Variants in LAMA2 observed in about 807,000 individuals in gnomAD.
LAMA2 encodes the protein laminin subunit alpha 2, also known as laminin subunit alpha-2.
LAMA2 carries 269 observed loss-of-function variants against 364.8 expected under a neutral mutation model. The ratio of observed to expected loss-of-function variants is 0.74; its 90% confidence interval spans 0.67 to 0.82. The LOEUF (loss-of-function observed/expected upper bound fraction) is 0.82. LAMA2 is among the 40% of genes least tolerant of loss of function. The pLI, the probability that LAMA2 is intolerant of heterozygous loss-of-function variation, is 0.00. For synonymous variants in LAMA2, 1,379 were observed against 1,370.6 expected (o/e 1.01, Z -0.14); for missense variants, 3,807 against 3,873.2 (o/e 0.98, Z 0.45).
At chr6:128,901,911 T>G (rs1777107761) in intron 1 of LAMA2, among the ~76,000 whole-genome samples, 1 of 152,220 alleles carries the variant, frequency 6.6e-6, no homozygotes, top group Non-Finnish European at 1.5e-5. Context: ...TAGTCTGTTC[T>G]CACACTGCTG....
At chr6:129,200,138 G>GTA (rs1782117807) in intron 12 of LAMA2, among the ~76,000 whole-genome samples, 1 of 95,114 alleles carries the variant, frequency 1.1e-5, no homozygotes, top group African/African-American at 3.8e-5. Context: ...ATATATACGT[G>GTA]TACACATATA....
intron 12 of LAMA2, among the ~76,000 whole-genome samples, chr6:129,200,429 T>C (rs1782196845): frequency 6.7e-6 from 1 of 149,806 alleles, no homozygotes; most frequent in Non-Finnish European, 1.5e-5. Flanking sequence ...CGTGTATATG[T>C]GTACACATAT....
chr6:129,383,842 G>GC (rs1422225459), intron 35 of LAMA2, among the ~76,000 whole-genome samples: 1 of 151,908 alleles, frequency 6.6e-6, no homozygotes, highest in Non-Finnish European at 1.5e-5. Flanking sequence ...ATCCGCACTC[G>GC]CCCCCCAAAA....
chr6:129,145,763 A>G (rs1778395959), intron 5 of LAMA2, among the ~76,000 whole-genome samples: 1 of 151,992 alleles, frequency 6.6e-6, no homozygotes, highest in East Asian at 1.9e-4. Context: ...ATTTAAATAT[A>G]TAAAAATAAG....
At chr6:129,442,715 AG>A (rs1583761261) in intron 43 of LAMA2, 1 of 337,486 alleles carries the variant, frequency 3.0e-6, no homozygotes, top group East Asian at 8.4e-5. Flanking sequence ...ATTCTATTTT[AG>A]ATTGATTCTC....
intron 12 of LAMA2, among the ~76,000 whole-genome samples, chr6:129,211,297 A>G (rs1218898190): frequency 6.6e-6 from 1 of 152,216 alleles, no homozygotes; most frequent in African/African-American, 2.4e-5. Flanking sequence ...GAGCAAAGCA[A>G]CTAGAATGAT....
At chr6:129,311,996 G>A (rs939326672) in intron 22 of LAMA2, among the ~76,000 whole-genome samples, 4 of 142,670 alleles carry the variant, frequency 2.8e-5, no homozygotes, top group African/African-American at 1.2e-4. Context: ...AGAGAACAGA[G>A]TGATGTACTT....
chr6:129,464,268 T>C (rs776466922), intron 49 of LAMA2, 22 bp from the exon 50 acceptor site: 4 of 1,599,202 alleles, frequency 2.5e-6, no homozygotes, highest in South Asian at 2.2e-5. Flanking sequence ...ATCTGATTCA[T>C]GTGAAATGTC....
chr6:129,442,106 G>T (rs1782146576), intron 43 of LAMA2: 1 of 727,520 alleles, frequency 1.4e-6, no homozygotes. Flanking sequence ...CATTTTTGGG[G>T]GGGTATCAAA....
chr6:129,243,870 G>A (rs1785559447), intron 12 of LAMA2, among the ~76,000 whole-genome samples: 1 of 151,410 alleles, frequency 6.6e-6, no homozygotes, highest in South Asian at 2.1e-4. Flanking sequence ...AGAAGAAGAA[G>A]GAGGAGGAAG....
At position 128,883,171 on chromosome 6, in the gene LAMA2, C is replaced by A; in HGVS notation, c.-75C>A. The A allele has an allele frequency of 7.0e-7, 1 of 1,421,220 alleles. No individual in the cohort carries two copies. Among genetic ancestry groups the A allele is most frequent in the Non-Finnish European group, 9.6e-7 (1 of 1,039,202 alleles). 88.0% of individuals were successfully genotyped at this position (1,421,220 alleles called of 1,614,324 possible). A position where few individuals can be genotyped will look rare whatever the true frequency, so the allele number is the denominator to read the frequency against. On this transcript the variant is annotated 5_prime_UTR_variant, in exon 1 of 65. Transcript: ENST00000421865. The stretch of plus-strand genomic sequence containing the variant: ...CAGCAGCTGCTGCTCGCTCAGCTCA[C>A]AAGCCAAGGCCAGGGGACAGGGCGG...
At chr6:129,277,583 A>G (rs992237608) in intron 17 of LAMA2, among the ~76,000 whole-genome samples, 2 of 152,182 alleles carry the variant, frequency 1.3e-5, no homozygotes, top group Admixed American at 6.5e-5. Flanking sequence ...GGTTTCAATG[A>G]CAATTGGTTA....
At chr6:129,271,630 C>CT (rs1429985147) in intron 17 of LAMA2, among the ~76,000 whole-genome samples, 1 of 151,884 alleles carries the variant, frequency 6.6e-6, no homozygotes, top group Non-Finnish European at 1.5e-5. Flanking sequence ...ACAATTTTTA[C>CT]TCAAAAGTGA....
At chr6:129,503,021 G>A in intron 59 of LAMA2, 70 bp from the exon 60 acceptor site, 1 of 1,404,386 alleles carries the variant, frequency 7.1e-7, no homozygotes, top group Non-Finnish European at 1.0e-6. Context: ...GCCACGATCT[G>A]ATACCGCTCT....
chr6:129,241,617 G>A (rs996614319), intron 12 of LAMA2, among the ~76,000 whole-genome samples: 1 of 152,116 alleles, frequency 6.6e-6, no homozygotes, highest in Non-Finnish European at 1.5e-5. Flanking sequence ...AGTGCTTAAA[G>A]GCAGAATCAA....
rs1562284567 is a variant in LAMA2 at position 129,157,886 on chromosome 6, C to A, written c.1206+3203C>A. On this transcript the variant is annotated intron_variant, in intron 8 of 64. Coordinates refer to ENST00000421865, the MANE Select transcript of LAMA2 (RefSeq NM_000426.4). ...GGTTTTTGTTCAGGCTTTCGTCCAGCACTTCTGGAGCCAGGTAGCGTTTGG... is the reference window on the plus strand; with the variant it reads ...GGTTTTTGTTCAGGCTTTCGTCCAGAACTTCTGGAGCCAGGTAGCGTTTGG... 5 of 1,614,252 alleles carry A rather than the reference C, an allele frequency of 3.1e-6. No homozygotes were observed. In the Admixed American group the frequency reaches 8.3e-5, roughly 27 times the overall value.
chr6:128,934,785 A>C lies in LAMA2; in HGVS notation c.112+51428A>C, dbSNP rs192572777. On this transcript the variant is annotated intron_variant, in intron 1 of 64. Transcript: ENST00000421865. ...CAGCCTCCCAAAGTGCTGGGATTACAGGCATAAGCCACTACACCCGGCCAT... is the reference window on the plus strand; with the variant it reads ...CAGCCTCCCAAAGTGCTGGGATTACCGGCATAAGCCACTACACCCGGCCAT... Among the ~76,000 whole-genome samples the C allele has an allele frequency of 4.3e-3, 659 of 152,334 alleles. 6 individuals are homozygous for C. The highest frequency in any genetic ancestry group is 0.015 in the African/African-American group (615 of 41,578).
intron 1 of LAMA2, among the ~76,000 whole-genome samples, chr6:129,014,547 C>T (rs1784962994): frequency 6.6e-6 from 1 of 152,086 alleles, no homozygotes; most frequent in South Asian, 2.1e-4. Context: ...CTTAGATGGC[C>T]ACCAAGATCC....
chr6:129,328,515 A>T, intron 29 of LAMA2, 103 bp downstream of exon 29: 20 of 1,555,406 alleles, frequency 1.3e-5, no homozygotes, highest in Non-Finnish European at 1.8e-5. Context: ...AGGGAATGCA[A>T]CTGTGTGTGT....
Sources: gnomAD v4.1 joint callset for allele counts (sites outside exome capture counted in the v4.1 genomes callset) on GRCh38, gnomAD v4.1.1 for gene constraint, MANE v1.5 for transcripts, NCBI Gene and HGNC (gene_info 2026-07-23, HGNC 2026-07-21) for gene names.